The following MCC variants were observed in gnomAD, a reference collection of about 807,000 sequenced individuals.
The protein encoded by MCC is colorectal mutant cancer protein.
MCC carries 90 observed loss-of-function variants against 116.2 expected under a neutral mutation model. The observed-to-expected ratio is 0.77, with a 90% CI of 0.65 to 0.92. The LOEUF is 0.92. MCC is among the 40% of genes least tolerant of loss of function. MCC has a pLI of 0.00. For missense variants in MCC, 1,516 were observed against 1,312.2 expected (o/e 1.16, Z -2.40); for synonymous variants, 578 against 510.5 (o/e 1.13, Z -1.78).
chr5:113,307,520 T>C (rs1767019348), intron 3 of MCC, among the ~76,000 whole-genome samples: 2 of 152,220 alleles, frequency 1.3e-5, no homozygotes, highest in South Asian at 2.1e-4. Context: ...GCTGAACTCA[T>C]TTATTAGTTC....
chr5:113,064,166 T>C lies in MCC; in HGVS notation c.2031A>G (p.Gly677=), dbSNP rs766224201. The C allele has an allele frequency of 6.2e-7, 1 of 1,608,098 alleles. No homozygotes were observed. The highest frequency in any genetic ancestry group is 8.5e-7 in the Non-Finnish European group (1 of 1,176,320). Residue 677 remains glycine, a splice_region_variant and synonymous_variant, in exon 14 of 19, where the codon GGA becomes GGG. Transcript: ENST00000408903. ...FRAAGVGSSP[G]DQSGDENITQ... ...TGATGTTTTCATCCCCCGACTGGTC[T>C]CCTATGTGGCAGAGAAGCCAACGGA... is the stretch of plus-strand genomic sequence containing the variant.
intron 1 of MCC, among the ~76,000 whole-genome samples, chr5:113,412,634 G>A (rs1175316385): frequency 1.3e-5 from 2 of 152,144 alleles, no homozygotes; most frequent in African/African-American, 2.4e-5. Flanking sequence ...ATACTGAGAC[G>A]TTGCTGAAGT....
chr5:113,296,636 G>C (rs1369218464), intron 3 of MCC, among the ~76,000 whole-genome samples: 1 of 152,168 alleles, frequency 6.6e-6, no homozygotes, highest in African/African-American at 2.4e-5. Flanking sequence ...GGGTGAGAAA[G>C]GGGGGTTGGT....
chr5:113,455,960 T>C (rs530597029), intron 1 of MCC, among the ~76,000 whole-genome samples: 1 of 152,336 alleles, frequency 6.6e-6, no homozygotes, highest in South Asian at 2.1e-4. Context: ...ACCAAGATCA[T>C]ACAGCTAATA....
intron 3 of MCC, among the ~76,000 whole-genome samples, chr5:113,283,978 T>C (rs1013946916): frequency 3.5e-4 from 54 of 152,216 alleles, no homozygotes; most frequent in African/African-American, 1.3e-3. Context: ...ATCAATATAT[T>C]TTCTCTTCCT....
In MCC at chr5:113,457,982, T is replaced by C. The variant is rs563565954; in HGVS notation, c.170+30263A>G. 1.1e-4 allele frequency among the ~76,000 whole-genome samples: 16 copies of C among 152,170 alleles called. No individual in the cohort carries two copies. The South Asian group carries it at 3.3e-3, about 32-fold the overall frequency. ...GTCCACACTCTGTATCTAGCTAATC[T>C]AGTGGGGACTTGGAGAACCTTTGTG... On this transcript the variant is annotated intron_variant, in intron 1 of 18. Coordinates refer to ENST00000408903, the MANE Select transcript of MCC (RefSeq NM_001085377.2).
chr5:113,163,684 G>A (rs1360682770), intron 3 of MCC, among the ~76,000 whole-genome samples: 7 of 152,102 alleles, frequency 4.6e-5, no homozygotes, highest in African/African-American at 9.7e-5. Context: ...TTTGTTGAAC[G>A]GGTAAAGTTA....
In MCC at chr5:113,084,201, A is replaced by G. The variant is rs763274309; in HGVS notation, c.1546-11T>C. 1.2e-6 allele frequency: 2 copies of G among 1,606,324 alleles called. No homozygotes were observed. Among genetic ancestry groups the G allele is most frequent in the Non-Finnish European group, 1.7e-6 (2 of 1,172,946 alleles). On this transcript the variant is annotated splice_polypyrimidine_tract_variant and intron_variant, in intron 9 of 18. Transcript: ENST00000408903. ...CACCCTCTCAGCAATCTTAAAAAAGAAAACAAAACATTATAGAAAACTACA... is the reference window on the plus strand; with the variant it reads ...CACCCTCTCAGCAATCTTAAAAAAGGAAACAAAACATTATAGAAAACTACA...
At chr5:113,110,796 G>A (rs997482925) in intron 6 of MCC, among the ~76,000 whole-genome samples, 2 of 152,188 alleles carry the variant, frequency 1.3e-5, no homozygotes, top group African/African-American at 4.8e-5. Context: ...GTCTGGCATG[G>A]CCTTTTTTTT....
chr5:113,453,135 T>C (rs1449301209), intron 1 of MCC, among the ~76,000 whole-genome samples: 1 of 152,172 alleles, frequency 6.6e-6, no homozygotes, highest in African/African-American at 2.4e-5. Context: ...TTATTGAGTT[T>C]TCCAGCGTGA....
chr5:113,282,932 G>A (rs538981954), intron 3 of MCC, among the ~76,000 whole-genome samples: 1 of 152,328 alleles, frequency 6.6e-6, no homozygotes, highest in South Asian at 2.1e-4. Flanking sequence ...TGAAGACTGT[G>A]AAATCACATG....
chr5:113,085,402 A>G, intron 8 of MCC, 92 bp from the exon 9 acceptor site: 1 of 1,275,700 alleles, frequency 7.8e-7, no homozygotes, highest in Non-Finnish European at 1.1e-6. Context: ...TTTCATTTAC[A>G]TTGAGGGATC....
intron 3 of MCC, among the ~76,000 whole-genome samples, chr5:113,271,497 C>A (rs1406402664): frequency 6.6e-6 from 1 of 152,140 alleles, no homozygotes; most frequent in Non-Finnish European, 1.5e-5. Context: ...TCAAAGAAAA[C>A]CTGATATCAA....
intron 8 of MCC, among the ~76,000 whole-genome samples, chr5:113,093,700 C>G (rs1322656245): frequency 6.6e-6 from 1 of 151,906 alleles, no homozygotes; most frequent in African/African-American, 2.4e-5. Flanking sequence ...GCTTCAATCT[C>G]TGAGTACAAT....
At chr5:113,095,700 AT>A (rs199840111) in intron 8 of MCC, among the ~76,000 whole-genome samples, 1 of 148,612 alleles carries the variant, frequency 6.7e-6, no homozygotes, top group Non-Finnish European at 1.5e-5. Context: ...AAAAAAAAAA[AT>A]TTTTTTTTTG....
chr5:113,127,391 G>A (rs1758122602), intron 5 of MCC, among the ~76,000 whole-genome samples: 1 of 152,180 alleles, frequency 6.6e-6, no homozygotes, highest in Admixed American at 6.5e-5. Context: ...CGGGCTGAAT[G>A]CTAGTTCTGC....
chr5:113,072,594 G>T (rs1405948731), intron 11 of MCC, among the ~76,000 whole-genome samples: 2 of 152,094 alleles, frequency 1.3e-5, no homozygotes, highest in Admixed American at 6.6e-5. Context: ...AGCCATGGTG[G>T]GTCTCTGCTG....
rs191373617 is a variant in MCC at position 113,433,276 on chromosome 5, C to T, written c.171-48064G>A. The T allele has an allele frequency of 5.6e-3, 1,146 of 204,300 alleles. 10 individuals carry two copies. The highest frequency in any genetic ancestry group is 7.2e-3 in the Non-Finnish European group (702 of 97,838). 12.7% of individuals were successfully genotyped at this position (204,300 alleles called of 1,614,324 possible). Reference sequence around the variant, plus strand: ...CTCGTCCCCGTCCAGCCCCACCCAACCCCCAACCCAGCCTGGTCCCCTGAC... The same window carrying T: ...CTCGTCCCCGTCCAGCCCCACCCAATCCCCAACCCAGCCTGGTCCCCTGAC... On this transcript the variant is annotated intron_variant, in intron 1 of 18. Coordinates refer to ENST00000408903, the MANE Select transcript of MCC (RefSeq NM_001085377.2).
At chr5:113,410,366 A>C (rs1324637087) in intron 1 of MCC, among the ~76,000 whole-genome samples, 3 of 152,208 alleles carry the variant, frequency 2.0e-5, no homozygotes, top group Non-Finnish European at 4.4e-5. Context: ...TTTAAAATTT[A>C]TTTAATTGGT....
Sources: gnomAD v4.1 joint callset for allele counts (sites outside exome capture counted in the v4.1 genomes callset) on GRCh38, gnomAD v4.1.1 for gene constraint, MANE v1.5 for transcripts, NCBI Gene and HGNC (gene_info 2026-07-23, HGNC 2026-07-21) for gene names.